The following PREX2 variants were observed in gnomAD, a reference collection of about 807,000 sequenced individuals.
The protein encoded by PREX2 is phosphatidylinositol 3,4,5-trisphosphate-dependent Rac exchanger 2 protein.
A neutral mutation model predicts 203.2 loss-of-function variants in PREX2; 107 were observed. The observed-to-expected ratio is 0.53, with a 90% CI of 0.45 to 0.62. The LOEUF is 0.62. PREX2 is among the 20% of genes least tolerant of loss of function. The probability of loss-of-function intolerance (pLI) is 0.00; values close to 1 mark genes in which losing one functional copy is unlikely to be tolerated. For synonymous variants in PREX2, 672 were observed against 663.6 expected, an observed-to-expected ratio of 1.01 and a Z score of -0.19; for missense variants, 1,777 against 1,955.9, an observed-to-expected ratio of 0.91 and a Z score of 1.72.
At chr8:68,118,470 T>G in intron 26 of PREX2, 80 bp from the exon 27 acceptor site, 1 of 830,736 alleles carries the variant, frequency 1.2e-6, no homozygotes, top group Non-Finnish European at 2.0e-6. Flanking sequence ...ATATAACTGA[T>G]ATAAGTTTAT....
intron 1 of PREX2, among the ~76,000 whole-genome samples, chr8:68,008,256 C>A (rs1045593431): frequency 6.6e-6 from 1 of 152,214 alleles, no homozygotes; most frequent in Admixed American, 6.5e-5. Context: ...TGGACTGTTT[C>A]TGTGCCACTG....
chr8:68,103,478 G>T (rs1360395894), intron 23 of PREX2: 7 of 503,320 alleles, frequency 1.4e-5, no homozygotes, highest in Non-Finnish European at 2.8e-5. Flanking sequence ...GTTTATTCGT[G>T]TCAGCGTACA....
chr8:67,968,095 C>T (rs1008764655), intron 1 of PREX2, among the ~76,000 whole-genome samples: 51 of 151,014 alleles, frequency 3.4e-4, no homozygotes, highest in Non-Finnish European at 6.5e-4. Context: ...GAGTACCTTG[C>T]AAACCCTCCC....
At position 68,044,603 on chromosome 8, in the gene PREX2, T is replaced by C; in HGVS notation, c.943+13T>C. 4 of 1,583,612 alleles carry C rather than the reference T, an allele frequency of 2.5e-6. No homozygotes were observed. The highest frequency in any genetic ancestry group is 2.6e-6 in the Non-Finnish European group (3 of 1,153,280). ...GATGATGGCACCGGTAAGTGATTTG[T>C]AGATTTTAAATGGGATGCCAATAGT... On this transcript the variant is annotated intron_variant, in intron 8 of 39. Transcript: ENST00000288368.
intron 1 of PREX2, among the ~76,000 whole-genome samples, chr8:67,990,176 G>A (rs191206616): frequency 1.3e-5 from 2 of 151,426 alleles, no homozygotes; most frequent in East Asian, 2.0e-4. Flanking sequence ...AGTAGAAATG[G>A]GGTTTCACCA....
At chr8:68,100,238 G>A (rs561539775) in intron 23 of PREX2, 1 of 450,252 alleles carries the variant, frequency 2.2e-6, no homozygotes, top group Non-Finnish European at 4.4e-6. Context: ...TACATAGACT[G>A]TGGGCTTTTA....
intron 25 of PREX2, among the ~76,000 whole-genome samples, chr8:68,110,049 A>G (rs1810506798): frequency 6.6e-6 from 1 of 152,234 alleles, no homozygotes; most frequent in African/African-American, 2.4e-5. Flanking sequence ...TACTTGTTAA[A>G]TGAGTAAATG....
intron 4 of PREX2, among the ~76,000 whole-genome samples, chr8:68,022,568 T>G (rs1454351944): frequency 6.6e-6 from 1 of 152,214 alleles, no homozygotes; most frequent in Admixed American, 6.6e-5. Context: ...TATTTTGTTT[T>G]CATAAAAACA....
intron 11 of PREX2, 107 bp from the exon 12 acceptor site, chr8:68,068,926 A>G: frequency 2.2e-6 from 1 of 461,678 alleles, no homozygotes; most frequent in South Asian, 5.4e-5. Flanking sequence ...CTTTTGTAAA[A>G]CTAAAAGTTT....
chr8:68,081,385 TCC>T (rs1253687791), intron 17 of PREX2, among the ~76,000 whole-genome samples: 2 of 152,068 alleles, frequency 1.3e-5, no homozygotes, highest in Non-Finnish European at 2.9e-5. Context: ...CCCATACTGG[TCC>T]GCAGCCTGGG....
chr8:67,998,239 G>C (rs4565443), intron 1 of PREX2, among the ~76,000 whole-genome samples: 103,390 of 151,294 alleles, frequency 0.68, 35,478 homozygotes, highest in South Asian at 0.81. Context: ...CACCCTGAAT[G>C]CTGGAAGGTC....
chr8:68,170,140 C>T (rs971155990), intron 35 of PREX2, among the ~76,000 whole-genome samples: 1 of 152,084 alleles, frequency 6.6e-6, no homozygotes, highest in African/African-American at 2.4e-5. Flanking sequence ...ATAAGCTTGT[C>T]ATGTTTGAGG....
At chr8:68,061,192 G>A (rs760055137) in intron 11 of PREX2, among the ~76,000 whole-genome samples, 5 of 152,292 alleles carry the variant, frequency 3.3e-5, no homozygotes, top group Non-Finnish European at 5.9e-5. Context: ...ACTCCGGCAC[G>A]GTGGCGGGTG....
At chr8:67,980,424 A>T (rs10113397) in intron 1 of PREX2, among the ~76,000 whole-genome samples, 17,341 of 152,086 alleles carry the variant, frequency 0.11, 1,123 homozygotes, top group African/African-American at 0.19. Context: ...TGTTCCAAAA[A>T]TAAACAAAAA....
At chr8:68,124,044 A>G (rs567690263) in intron 30 of PREX2, among the ~76,000 whole-genome samples, 7 of 152,288 alleles carry the variant, frequency 4.6e-5, no homozygotes, top group Admixed American at 4.6e-4. Flanking sequence ...CAAATCCAGC[A>G]TCACATCAAA....
At chr8:68,059,753 G>A (rs911415493) in intron 10 of PREX2, among the ~76,000 whole-genome samples, 5 of 152,150 alleles carry the variant, frequency 3.3e-5, no homozygotes, top group African/African-American at 1.2e-4. Flanking sequence ...TCAGTGCCAA[G>A]CTTATTCAGG....
At chr8:68,062,637 G>T (rs2129611391) in intron 11 of PREX2, among the ~76,000 whole-genome samples, 1 of 152,272 alleles carries the variant, frequency 6.6e-6, no homozygotes, top group East Asian at 1.9e-4. Flanking sequence ...AAGTGGTAGA[G>T]ACAGAGCTGT....
intron 38 of PREX2, 90 bp downstream of exon 38, chr8:68,217,808 C>T: frequency 1.1e-6 from 1 of 949,686 alleles, no homozygotes; most frequent in Non-Finnish European, 1.7e-6. Context: ...TGACAGGTGC[C>T]TGGATGTGAT....
intron 38 of PREX2, among the ~76,000 whole-genome samples, chr8:68,217,978 G>A (rs999466986): frequency 2.0e-5 from 3 of 152,248 alleles, no homozygotes; most frequent in Non-Finnish European, 4.4e-5. Flanking sequence ...TTGATTAAGT[G>A]GAATAAGGCA....
Sources: allele counts gnomAD v4.1 joint callset (sites outside exome capture counted in the v4.1 genomes callset), GRCh38; gene constraint gnomAD v4.1.1; transcripts MANE v1.5; gene names NCBI Gene and HGNC (gene_info 2026-07-23, HGNC 2026-07-21).